Variants in CFI observed in about 807,000 individuals in gnomAD.
CFI encodes C3B/C4B inactivator.
Under a neutral mutation model 78.8 loss-of-function variants are expected in CFI, and 66 were observed. That is an observed-to-expected ratio of 0.84 (90% CI 0.69 to 1.03). The LOEUF is 1.03. Ranked by LOEUF, CFI falls within the 50% of genes least tolerant of loss-of-function variation. The probability of loss-of-function intolerance (pLI) is 0.00; values close to 1 mark genes in which losing one functional copy is unlikely to be tolerated. For synonymous variants in CFI, 250 were observed against 232.6 expected (o/e 1.07, Z -0.68); for missense variants, 706 against 704.5 (o/e 1.00, Z -0.02).
At chr4:109,738,564 C>T (rs1033389839), downstream of CFI, among the ~76,000 whole-genome samples, 17 of 152,220 alleles carry the variant, frequency 1.1e-4, no homozygotes, top group African/African-American at 4.1e-4. Context: ...TATTTCCTTT[C>T]CTTTGAGCCT....
At chr4:109,763,965 C>T (rs181819081) in intron 3 of CFI, among the ~76,000 whole-genome samples, 1 of 148,524 alleles carries the variant, frequency 6.7e-6, no homozygotes, top group Non-Finnish European at 1.5e-5. Flanking sequence ...AATAAAATAT[C>T]ACTTATATAT....
At chr4:109,777,844 A>G (rs1406980030) in intron 1 of CFI, among the ~76,000 whole-genome samples, 2 of 152,176 alleles carry the variant, frequency 1.3e-5, no homozygotes, top group African/African-American at 2.4e-5. Context: ...AAAACCACTC[A>G]ACTACACGGA....
intron 1 of CFI, among the ~76,000 whole-genome samples, chr4:109,773,578 G>C (rs1280478420): frequency 6.6e-6 from 1 of 152,082 alleles, no homozygotes; most frequent in African/African-American, 2.4e-5. Flanking sequence ...GTTCTTACTG[G>C]TGCACAACAT....
chr4:109,775,878 C>T (rs1256337011), intron 1 of CFI, among the ~76,000 whole-genome samples: 1 of 152,154 alleles, frequency 6.6e-6, no homozygotes, highest in Admixed American at 6.5e-5. Context: ...CAAACAGGGT[C>T]TGTAGTGGAC....
chr4:109,795,826 G>A lies in CFI; in HGVS notation c.57+6089C>T, dbSNP rs368154413. On this transcript the variant is annotated intron_variant, in intron 1 of 12. Transcript: ENST00000394634. ...AATTATATGGTCAGAGGAACAAAAT[G>A]AAAAAGTATAAAGACTACAGGACTT... Among the ~76,000 whole-genome samples the A allele has an allele frequency of 5.9e-5, 9 of 152,156 alleles. No individual in the cohort carries two copies. The East Asian group carries it at 1.4e-3, about 23-fold the overall frequency.
rs369715801 is a variant in CFI at position 109,742,492 on chromosome 4, T to C, written c.1533A>G (p.Ala511=). 1.4e-5 allele frequency: 22 copies of C among 1,602,686 alleles called. No homozygotes were observed. In the African/African-American group the frequency reaches 2.3e-4, roughly 17 times the overall value. ...TTGGATAAACCACTTGGCACTTACC[T>C]GCACATTCCATTTCTTTTTCATAGA... ...NRFYEKEMEC[A]GTYDGSIDAC... Residue 511 remains alanine, a splice_region_variant and synonymous_variant, in exon 12 of 13, where the codon GCA becomes GCG. Transcript: ENST00000394634.
chr4:109,752,129 A>G (rs1340256696), intron 8 of CFI, among the ~76,000 whole-genome samples: 1 of 152,212 alleles, frequency 6.6e-6, no homozygotes, highest in East Asian at 1.9e-4. Context: ...ATTTCAAAAA[A>G]TTATGTCATG....
At chr4:109,783,918 G>A (rs1730398313) in intron 1 of CFI, among the ~76,000 whole-genome samples, 2 of 150,694 alleles carry the variant, frequency 1.3e-5, no homozygotes, top group Admixed American at 1.3e-4. Flanking sequence ...ATTGTTCTAA[G>A]TGAAGTAACT....
intron 1 of CFI, among the ~76,000 whole-genome samples, chr4:109,799,835 T>A (rs10024583): frequency 0.14 from 20,567 of 152,154 alleles, 3,106 homozygotes; most frequent in African/African-American, 0.36. Flanking sequence ...TTTTATGTAC[T>A]CAGATATCCT....
At chr4:109,774,595 G>A (rs10025263) in intron 1 of CFI, among the ~76,000 whole-genome samples, 1,679 of 152,248 alleles carry the variant, frequency 0.011, 23 homozygotes, top group African/African-American at 0.039. Flanking sequence ...GATCTTGTAG[G>A]AACCTGTTGG....
intron 1 of CFI, among the ~76,000 whole-genome samples, chr4:109,783,661 A>G (rs1035927470): frequency 6.6e-6 from 1 of 151,806 alleles, no homozygotes; most frequent in Non-Finnish European, 1.5e-5. Context: ...AGATTCAGCA[A>G]TCCCGCTACT....
chr4:109,781,024 C>T (rs945352067), intron 1 of CFI, among the ~76,000 whole-genome samples: 1 of 152,142 alleles, frequency 6.6e-6, no homozygotes, highest in Non-Finnish European at 1.5e-5. Context: ...GGAGGGATAG[C>T]ATTAGGAGAT....
intron 2 of CFI, 140 bp from the exon 3 acceptor site, chr4:109,764,830 A>G: frequency 2.5e-6 from 2 of 794,752 alleles, no homozygotes; most frequent in South Asian, 1.7e-5. Context: ...AATAGTAAGC[A>G]ATCATTTTAC....
At chr4:109,783,201 C>A (rs148769724) in intron 1 of CFI, among the ~76,000 whole-genome samples, 1,736 of 152,072 alleles carry the variant, frequency 0.011, 14 homozygotes, top group Admixed American at 0.019. Flanking sequence ...ACTAAAGAAC[C>A]TTTGCACAGC....
chr4:109,781,390 G>C (rs777860724), intron 1 of CFI, among the ~76,000 whole-genome samples: 3 of 152,110 alleles, frequency 2.0e-5, no homozygotes, highest in Non-Finnish European at 4.4e-5. Context: ...ACATCTTTAC[G>C]CACATAAACT....
At chr4:109,764,228 G>A in intron 3 of CFI, 1 of 414,444 alleles carries the variant, frequency 2.4e-6, no homozygotes, top group East Asian at 5.3e-5. Context: ...TACTAAGTGT[G>A]AAAAAGTGTA....
At chr4:109,777,180 A>G (rs1729361811) in intron 1 of CFI, among the ~76,000 whole-genome samples, 1 of 152,354 alleles carries the variant, frequency 6.6e-6, no homozygotes, top group Non-Finnish European at 1.5e-5. Flanking sequence ...AGACTGGCAA[A>G]TTGGATAAAG....
rs34128338 is a variant in CFI, at chr4:109,783,812, G to GATATATATAT, written c.58-16998_58-16989dup. Among the ~76,000 whole-genome samples the GATATATATAT allele has an allele frequency of 1.2e-3, 136 of 113,020 alleles. 15 individuals carry two copies. The highest frequency in any genetic ancestry group is 3.0e-3 in the Admixed American group (30 of 9,918). 74.1% of individuals were successfully genotyped at this position (113,020 alleles called of 152,430 possible). A position where few individuals can be genotyped will look rare whatever the true frequency, so the allele number is the denominator to read the frequency against. ...TTCAATGAGTGGATAAAGAAACTGT[G>GATATATATAT]ATATATATATATATATATATATGAT... On this transcript the variant is annotated intron_variant, in intron 1 of 12. Transcript: ENST00000394634.
At chr4:109,737,815 C>G (rs756307820), downstream of CFI, among the ~76,000 whole-genome samples, 6 of 152,260 alleles carry the variant, frequency 3.9e-5, no homozygotes, top group Middle Eastern at 6.8e-3. Context: ...TTTCATTAAA[C>G]CAGTTAGATT....
Sources: gnomAD v4.1 joint callset for allele counts (sites outside exome capture counted in the v4.1 genomes callset) on GRCh38, gnomAD v4.1.1 for gene constraint, MANE v1.5 for transcripts, NCBI Gene and HGNC (gene_info 2026-07-23, HGNC 2026-07-21) for gene names.